SMYD3: variants seen among roughly 807,000 people sequenced by gnomAD.
SMYD3 encodes the protein histone-lysine N-methyltransferase SMYD3.
A neutral mutation model predicts 57.7 loss-of-function variants in SMYD3; 36 were observed. The observed-to-expected ratio is 0.62, with a 90% confidence interval of 0.48 to 0.82. The LOEUF is 0.82. Among genes scored for constraint, SMYD3 ranks in the 40% least tolerant of loss-of-function variants. The pLI, the probability that SMYD3 is intolerant of heterozygous loss-of-function variation, is 0.00. For synonymous variants in SMYD3, 211 were observed against 195.0 expected, an observed-to-expected ratio of 1.08 and a Z score of -0.68; for missense variants, 515 against 538.8, an observed-to-expected ratio of 0.96 and a Z score of 0.44.
At chr1:246,495,790 T>TA (rs1020241279) in intron 1 of SMYD3, among the ~76,000 whole-genome samples, 59 of 139,684 alleles carry the variant, frequency 4.2e-4, no homozygotes, top group African/African-American at 6.8e-4. Context: ...AAATACCAAA[T>TA]AAAAAAAAAA....
chr1:246,401,541 G>A (rs971046230), intron 1 of SMYD3, among the ~76,000 whole-genome samples: 16 of 151,544 alleles, frequency 1.1e-4, no homozygotes, highest in African/African-American at 3.6e-4. Flanking sequence ...CCATGTTGGC[G>A]AGGCTAGTCT....
At chr1:246,323,610 C>T (rs1418611805) in intron 5 of SMYD3, among the ~76,000 whole-genome samples, 1 of 152,186 alleles carries the variant, frequency 6.6e-6, no homozygotes, top group East Asian at 1.9e-4. Flanking sequence ...TGAGCCCTTT[C>T]CTTTCAGGGG....
intron 1 of SMYD3, among the ~76,000 whole-genome samples, chr1:246,365,172 A>C (rs1279655047): frequency 6.6e-6 from 1 of 152,130 alleles, no homozygotes; most frequent in Non-Finnish European, 1.5e-5. Context: ...CAATAAGTTA[A>C]AGCAGGGCCT....
At chr1:246,218,685 T>A (rs981518866) in intron 5 of SMYD3, among the ~76,000 whole-genome samples, 1 of 152,030 alleles carries the variant, frequency 6.6e-6, no homozygotes, top group African/African-American at 2.4e-5. Context: ...ATGCAAGTTG[T>A]TTGTTTACTG....
chr1:246,400,600 G>C (rs1269704562), intron 1 of SMYD3, among the ~76,000 whole-genome samples: 1 of 152,104 alleles, frequency 6.6e-6, no homozygotes, highest in African/African-American at 2.4e-5. Flanking sequence ...ATTATGATTG[G>C]TATCGGTCAT....
At chr1:245,881,724 G>A (rs1331662034) in intron 8 of SMYD3, among the ~76,000 whole-genome samples, 2 of 152,144 alleles carry the variant, frequency 1.3e-5, no homozygotes, top group African/African-American at 4.8e-5. Context: ...GGAAATAAAG[G>A]CATTGCAGAA....
Position 246,307,489 on chromosome 1 carries a change from G to A in SMYD3, c.531+19712C>T, listed in dbSNP as rs1002893229. On this transcript the variant is annotated intron_variant, in intron 5 of 11. Transcript: ENST00000490107. ...GGCTGGAGTGCAGTGGCGTGATCTC[G>A]GCTCACTGCAAGCTCCGCCTCCCGG... Among the ~76,000 whole-genome samples the A allele has an allele frequency of 2.8e-5, 4 of 143,688 alleles. No homozygotes were observed. In the East Asian group the frequency reaches 6.1e-4, roughly 22 times the overall value. 94.3% of individuals were successfully genotyped at this position (143,688 alleles called of 152,430 possible).
chr1:245,951,433 G>A lies in SMYD3; in HGVS notation c.532-21496C>T, dbSNP rs541636432. On this transcript the variant is annotated intron_variant, in intron 5 of 11. Transcript: ENST00000490107. ...AAATACAAAAAATTAGCTGGGCGAG[G>A]TGGTGCACGCCTGTAGTCCCAGCTA... Among the ~76,000 whole-genome samples the A allele has an allele frequency of 1.4e-5, 2 of 138,158 alleles. 1 individual carries two copies. Among genetic ancestry groups the A allele is most frequent in the South Asian group, 4.8e-4 (2 of 4,162 alleles). The allele number at this position is 138,158 out of a possible 152,430, so 90.6% of individuals were successfully genotyped here. A position where few individuals can be genotyped will look rare whatever the true frequency, so the allele number is the denominator to read the frequency against.
At chr1:246,056,773 A>G (rs1349346544) in intron 5 of SMYD3, among the ~76,000 whole-genome samples, 1 of 105,170 alleles carries the variant, frequency 9.5e-6, no homozygotes, top group Non-Finnish European at 1.8e-5. Flanking sequence ...AACTAAAAAG[A>G]AAAAAAAAGG....
intron 5 of SMYD3, among the ~76,000 whole-genome samples, chr1:246,159,289 C>G (rs1258523575): frequency 6.6e-6 from 1 of 152,112 alleles, no homozygotes; most frequent in Non-Finnish European, 1.5e-5. Flanking sequence ...CTCCTTATAC[C>G]TTTTTCTTTG....
intron 5 of SMYD3, among the ~76,000 whole-genome samples, chr1:245,951,945 A>C (rs764807398): frequency 2.6e-5 from 4 of 152,218 alleles, no homozygotes; most frequent in Non-Finnish European, 2.9e-5. Flanking sequence ...GAATATATTC[A>C]CTAAAGGAAT....
rs371085864 is a variant in SMYD3, at chr1:245,879,869, T to C, written c.814-15983A>G. Among the ~76,000 whole-genome samples the C allele has an allele frequency of 3.1e-3, 476 of 152,128 alleles. 1 individual carries two copies. Among genetic ancestry groups the C allele is most frequent in the South Asian group, 0.011 (52 of 4,808 alleles). ...AATGTCTATCTTTGACCAATGCTTA[T>C]TAAGAATTTTAAAACATGGTGTACC... is the stretch of plus-strand genomic sequence containing the variant. On this transcript the variant is annotated intron_variant, in intron 8 of 11. Coordinates refer to ENST00000490107, the MANE Select transcript of SMYD3 (RefSeq NM_001167740.2).
chr1:246,444,517 G>C (rs1352057715), intron 1 of SMYD3, among the ~76,000 whole-genome samples: 1 of 152,144 alleles, frequency 6.6e-6, no homozygotes, highest in African/African-American at 2.4e-5. Flanking sequence ...ATTTGTGCTG[G>C]GTCAGAAGCA....
chr1:245,954,412 A>G (rs1414167614), intron 5 of SMYD3, among the ~76,000 whole-genome samples: 2 of 152,202 alleles, frequency 1.3e-5, no homozygotes, highest in African/African-American at 2.4e-5. Context: ...TGGCTCACAC[A>G]CCTGTAATCT....
intron 8 of SMYD3, among the ~76,000 whole-genome samples, chr1:245,890,483 C>T (rs9729263): frequency 0.056 from 8,506 of 152,120 alleles, 761 homozygotes; most frequent in African/African-American, 0.19. Flanking sequence ...AAGAACATCC[C>T]GCATCATCAA....
At chr1:246,081,747 C>T (rs2060640504) in intron 5 of SMYD3, among the ~76,000 whole-genome samples, 1 of 152,132 alleles carries the variant, frequency 6.6e-6, no homozygotes, top group Non-Finnish European at 1.5e-5. Flanking sequence ...TTGAATACAT[C>T]TCTCCTCCTG....
chr1:246,193,150 A>C (rs921931157), intron 5 of SMYD3, among the ~76,000 whole-genome samples: 6 of 152,360 alleles, frequency 3.9e-5, no homozygotes, highest in African/African-American at 1.4e-4. Flanking sequence ...TTATCGTCAT[A>C]TCTTGTTTAC....
At chr1:245,805,068 C>T (rs542989440) in intron 10 of SMYD3, among the ~76,000 whole-genome samples, 5 of 151,708 alleles carry the variant, frequency 3.3e-5, no homozygotes, top group South Asian at 2.1e-4. Context: ...CAAGTACATG[C>T]GTTCAAGGCC....
intron 8 of SMYD3, among the ~76,000 whole-genome samples, chr1:245,896,937 G>A (rs549607557): frequency 3.3e-5 from 5 of 152,308 alleles, no homozygotes; most frequent in Admixed American, 6.5e-5. Context: ...CACTAAAAAT[G>A]AGCCTGCCAT....
Sources: gnomAD v4.1 joint callset for allele counts (sites outside exome capture counted in the v4.1 genomes callset) on GRCh38, gnomAD v4.1.1 for gene constraint, MANE v1.5 for transcripts, NCBI Gene and HGNC (gene_info 2026-07-23, HGNC 2026-07-21) for gene names.